KLHL22: variants seen among roughly 807,000 people sequenced by gnomAD.
KLHL22 encodes the protein kelch-like protein 22.
In KLHL22, 18 loss-of-function variants were observed where a neutral mutation model predicts 60.7. That is an observed-to-expected ratio of 0.30 (90% CI 0.20 to 0.44). The LOEUF is 0.44. KLHL22 is among the 20% of genes least tolerant of loss of function. KLHL22 has a pLI of 1.00. For synonymous variants in KLHL22, 355 were observed against 354.5 expected (o/e 1.00, Z -0.01); for missense variants, 596 against 852.3 (o/e 0.70, Z 3.74).
chr22:20,442,388 G>A lies in KLHL22; in HGVS notation c.1590C>T (p.Leu530=), dbSNP rs763950148. The A allele has an allele frequency of 6.2e-7, 1 of 1,612,822 alleles. No homozygotes were observed. Among genetic ancestry groups the A allele is most frequent in the Admixed American group, 1.7e-5 (1 of 59,922 alleles). The change falls in exon 7 of 7, where the codon CTC becomes CTT. Residue 530 remains leucine (L), a synonymous_variant. Coordinates refer to ENST00000328879, the MANE Select transcript of KLHL22 (RefSeq NM_032775.4). ...TGCCAGGCTCACCGTGCCCAGCAGG[G>A]AGTGGGCAGACAGATGACCACTGTC... ...TSGQWSSVCP[L]PAGHGEPGIA...
At chr22:20,493,207 C>T (rs2053718488) in intron 1 of KLHL22, 2 of 471,212 alleles carry the variant, frequency 4.2e-6, no homozygotes, top group South Asian at 1.5e-5. Context: ...CAGCTACTCC[C>T]TAAACCCATA....
At chr22:20,479,695 CA>C (rs1407114045) in intron 2 of KLHL22, among the ~76,000 whole-genome samples, 2 of 151,976 alleles carry the variant, frequency 1.3e-5, no homozygotes, top group African/African-American at 4.8e-5. Context: ...AATCCTGTCT[CA>C]AAAAACAAAA....
intron 4 of KLHL22, among the ~76,000 whole-genome samples, chr22:20,458,445 A>ATTTTTTTTTT (rs938534970): frequency 2.2e-5 from 2 of 90,478 alleles, no homozygotes; most frequent in Non-Finnish European, 4.3e-5. Flanking sequence ...AACGCCCGCT[A>ATTTTTTTTTT]TTTTTTTTTT....
intron 4 of KLHL22, among the ~76,000 whole-genome samples, chr22:20,462,754 A>C (rs985525612): frequency 4.6e-5 from 7 of 152,168 alleles, no homozygotes; most frequent in African/African-American, 1.7e-4. Flanking sequence ...CCACAGGGCT[A>C]TGGCTATGGG....
In KLHL22 at chr22:20,492,048, CCT is replaced by C. The variant is rs144681376; in HGVS notation, c.-33-2806_-33-2805del. ...TCTATGATAATTCTCCCTTTTCTGA[CCT>C]CTCTCTTTCATCCCACACACCCTGC... On this transcript the variant is annotated intron_variant, in intron 1 of 6. Coordinates refer to ENST00000328879, the MANE Select transcript of KLHL22 (RefSeq NM_032775.4). The C allele has an allele frequency of 2.0e-4, 30 of 152,318 alleles. No individual in the cohort carries two copies. The East Asian group carries it at 5.6e-3, about 28-fold the overall frequency. 9.4% of individuals were successfully genotyped at this position (152,318 alleles called of 1,614,324 possible). A position where few individuals can be genotyped will look rare whatever the true frequency, so the allele number is the denominator to read the frequency against.
intron 4 of KLHL22, among the ~76,000 whole-genome samples, chr22:20,460,803 A>G (rs1446785168): frequency 6.6e-6 from 1 of 152,166 alleles, no homozygotes; most frequent in African/African-American, 2.4e-5. Context: ...TTTCTAATAA[A>G]AATAAGCTTT....
At chr22:20,467,482 C>G (rs1394766938) in intron 3 of KLHL22, among the ~76,000 whole-genome samples, 3 of 152,192 alleles carry the variant, frequency 2.0e-5, no homozygotes, top group Non-Finnish European at 1.5e-5. Flanking sequence ...AATCCCAAAA[C>G]GGCTCCATTT....
intron 2 of KLHL22, among the ~76,000 whole-genome samples, chr22:20,473,145 G>C (rs560572983): frequency 6.6e-6 from 1 of 152,236 alleles, no homozygotes; most frequent in Non-Finnish European, 1.5e-5. Context: ...GGTGCTGGAG[G>C]AGGAGCCCCT....
At chr22:20,471,279 C>G in intron 3 of KLHL22, 71 bp downstream of exon 3, 3 of 1,446,590 alleles carry the variant, frequency 2.1e-6, no homozygotes, top group Non-Finnish European at 2.9e-6. Flanking sequence ...TAGTGCCCGG[C>G]AGGCATCATG....
Position 20,465,676 on chromosome 22 carries a change from C to A in KLHL22, c.394-100G>T. On this transcript the variant is annotated intron_variant, in intron 3 of 6. Transcript: ENST00000328879. This position sits in a 1 kb window ranked among gnomAD's most constrained non-coding sequence, Gnocchi z 4.9. ...GAAATACGGGCTGTTGTGGGCCAGG[C>A]AAAGCAGAAGGGAAGTCCTCCTTAA... The A allele has an allele frequency of 1.3e-6, 1 of 745,210 alleles. No individual in the cohort carries two copies. Among genetic ancestry groups the A allele is most frequent in the Non-Finnish European group, 2.5e-6 (1 of 406,400 alleles). 46.2% of individuals were successfully genotyped at this position (745,210 alleles called of 1,614,324 possible). A position where few individuals can be genotyped will look rare whatever the true frequency, so the allele number is the denominator to read the frequency against.
chr22:20,491,112 T>C (rs2053681228), intron 1 of KLHL22: 1 of 152,180 alleles, frequency 6.6e-6, no homozygotes, highest in Admixed American at 6.5e-5. Flanking sequence ...TGGTTTGTTA[T>C]AAAGGGTATT....
chr22:20,469,591 A>T (rs1054763724), intron 3 of KLHL22, among the ~76,000 whole-genome samples: 3 of 152,116 alleles, frequency 2.0e-5, no homozygotes, highest in African/African-American at 7.2e-5. Flanking sequence ...TTGTTGTAAA[A>T]GCCAACTCCA....
At chr22:20,455,713 C>G (rs1379104445) in intron 5 of KLHL22, among the ~76,000 whole-genome samples, 1 of 152,154 alleles carries the variant, frequency 6.6e-6, no homozygotes, top group Non-Finnish European at 1.5e-5. Context: ...CGAAAGTAAC[C>G]TTTTGTTCAC....
At chr22:20,470,397 C>T (rs570327835) in intron 3 of KLHL22, among the ~76,000 whole-genome samples, 2 of 150,444 alleles carry the variant, frequency 1.3e-5, no homozygotes, top group African/African-American at 2.4e-5. Flanking sequence ...CACCTGTAAT[C>T]GCAACACTTT....
chr22:20,495,028 G>C lies in KLHL22; in HGVS notation c.-34+732C>G, dbSNP rs2053747482. ...GGGAGTGGGTGCTGATTCCCAGCGG[G>C]GCAGCCTTCCAAAGGGTGCGCTCTG... On this transcript the variant is annotated intron_variant, in intron 1 of 6. Coordinates refer to ENST00000328879, the MANE Select transcript of KLHL22 (RefSeq NM_032775.4). This position sits in a 1 kb window ranked among gnomAD's most constrained non-coding sequence, Gnocchi z 4.6. Among the ~76,000 whole-genome samples the C allele has an allele frequency of 6.6e-6, 1 of 152,170 alleles. No individual in the cohort carries two copies. The highest frequency in any genetic ancestry group is 2.4e-5 in the African/African-American group (1 of 41,432).
intron 2 of KLHL22, among the ~76,000 whole-genome samples, chr22:20,486,169 A>G (rs2053584517): frequency 6.7e-6 from 1 of 150,042 alleles, no homozygotes; most frequent in Non-Finnish European, 1.5e-5. Context: ...TCCGTCTCAA[A>G]AAAAAAAAAA....
At chr22:20,447,016 C>G (rs1239772017) in intron 5 of KLHL22, among the ~76,000 whole-genome samples, 1 of 152,154 alleles carries the variant, frequency 6.6e-6, no homozygotes, top group Non-Finnish European at 1.5e-5. Flanking sequence ...GCCACAGAAC[C>G]CTGGGGACCG....
At chr22:20,448,561 A>G (rs1439298843) in intron 5 of KLHL22, among the ~76,000 whole-genome samples, 2 of 152,150 alleles carry the variant, frequency 1.3e-5, no homozygotes, top group Non-Finnish European at 2.9e-5. Flanking sequence ...TCATGTACAG[A>G]TAAGTTATTT....
intron 2 of KLHL22, among the ~76,000 whole-genome samples, chr22:20,475,706 G>A (rs990658683): frequency 3.9e-5 from 6 of 152,050 alleles, no homozygotes; most frequent in Admixed American, 3.3e-4. Context: ...TGGGATTACA[G>A]GCATGTACCA....
Sources: gnomAD v4.1 joint callset for allele counts (sites outside exome capture counted in the v4.1 genomes callset) on GRCh38, gnomAD v4.1.1 for gene constraint, Gnocchi (gnomAD v3.1) non-coding constraint, MANE v1.5 for transcripts, NCBI Gene and HGNC (gene_info 2026-07-23, HGNC 2026-07-21) for gene names.